Variants in OXNAD1 observed in about 807,000 individuals in gnomAD.
The protein encoded by OXNAD1 is oxidoreductase NAD binding domain containing 1.
Under a neutral mutation model 32.9 loss-of-function variants are expected in OXNAD1, and 34 were observed. The observed-to-expected ratio is 1.03, with a 90% CI of 0.79 to 1.38. The LOEUF (loss-of-function observed/expected upper bound fraction) is 1.38. Among genes scored for constraint, OXNAD1 ranks in the 40% most tolerant of loss-of-function variants. The pLI, the probability that OXNAD1 is intolerant of heterozygous loss-of-function variation, is 0.00. For missense variants in OXNAD1, 407 were observed against 379.4 expected (o/e 1.07, Z -0.60); for synonymous variants, 134 against 135.2 (o/e 0.99, Z 0.06).
downstream of OXNAD1, among the ~76,000 whole-genome samples, chr3:16,307,914 T>C (rs1026683387): frequency 2.0e-5 from 3 of 152,172 alleles, no homozygotes; most frequent in African/African-American, 4.8e-5. Flanking sequence ...CAGTTTGTTC[T>C]GTTTTTTTAA....
chr3:16,318,753 C>G (rs1383472509), intron 9 of OXNAD1, among the ~76,000 whole-genome samples: 6 of 152,168 alleles, frequency 3.9e-5, no homozygotes, highest in Non-Finnish European at 8.8e-5. Flanking sequence ...CCCCAAAAAA[C>G]CCAAATGAGT....
chr3:16,344,729 G>A lies in OXNAD1; in HGVS notation c.*31-4447G>A, dbSNP rs566637171. Among the ~76,000 whole-genome samples, 114 of 152,272 alleles carry A rather than the reference G, an allele frequency of 7.5e-4. 2 individuals carry two copies. The South Asian group carries it at 0.022, about 29-fold the overall frequency. On this transcript the variant is annotated intron_variant, in intron 9 of 9. Coordinates refer to the OXNAD1 transcript ENST00000606098. The surrounding 1 kb of genome is among the most constrained non-coding windows in gnomAD (Gnocchi z 4.4). ...GACCTCCTCCCAATGAAAGCACATC[G>A]TTGCCAAGTGCGGCCTCTCAATCAG...
rs1379527355 is a variant in OXNAD1, at chr3:16,345,852, G to A, written c.*31-3324G>A. ...CGTGCGCGCACGCGCACATGTGCAT[G>A]TGTATGTGTATAATCTCCTACTGGT... On this transcript the variant is annotated intron_variant, in intron 9 of 9. Coordinates refer to the OXNAD1 transcript ENST00000606098. The surrounding 1 kb of genome is among the most constrained non-coding windows in gnomAD (Gnocchi z 5.2). Among the ~76,000 whole-genome samples the A allele has an allele frequency of 2.1e-4, 8 of 38,670 alleles. No homozygotes were observed. Among genetic ancestry groups the A allele is most frequent in the African/African-American group, 1.4e-3 (8 of 5,674 alleles). 25.4% of individuals were successfully genotyped at this position (38,670 alleles called of 152,430 possible).
chr3:16,350,728 T>A (rs2072042172), downstream of OXNAD1, among the ~76,000 whole-genome samples: 2 of 152,192 alleles, frequency 1.3e-5, no homozygotes, highest in African/African-American at 4.8e-5. Context: ...TGTTGATTCC[T>A]GGGCCTTTCA....
chr3:16,265,867 C>A lies in OXNAD1; in HGVS notation c.-159+362C>A. 2.0e-6 allele frequency: 2 copies of A among 985,228 alleles called. No homozygotes were observed. The highest frequency in any genetic ancestry group is 2.4e-6 in the Non-Finnish European group (2 of 829,794). The allele number at this position is 985,228 out of a possible 1,614,324, so 61.0% of individuals were successfully genotyped here. A position where few individuals can be genotyped will look rare whatever the true frequency, so the allele number is the denominator to read the frequency against. ...CAGGAACAAATTACTTATGTGAGTA[C>A]CAGTTTTTTCGTTGTGAAAGAAATG... is the stretch of plus-strand genomic sequence containing the variant. On this transcript the variant is annotated intron_variant, in intron 1 of 8. Coordinates refer to ENST00000285083, the MANE Select transcript of OXNAD1 (RefSeq NM_138381.5). The surrounding 1 kb of genome is among the most constrained non-coding windows in gnomAD (Gnocchi z 4.8).
chr3:16,267,735 T>C (rs942730180), intron 1 of OXNAD1, among the ~76,000 whole-genome samples: 8 of 152,232 alleles, frequency 5.3e-5, no homozygotes, highest in African/African-American at 1.9e-4. Context: ...ACTATCTGTC[T>C]CTGGAACTGT....
At chr3:16,310,991 CAAAAAAA>C (rs1003070321), downstream of OXNAD1, among the ~76,000 whole-genome samples, 253 of 57,556 alleles carry the variant, frequency 4.4e-3, 3 homozygotes, top group African/African-American at 0.022. Context: ...ACTCAGTCTC[CAAAAAAA>C]AAAAAAAAAA....
chr3:16,291,003 A>G (rs941464236), intron 5 of OXNAD1, among the ~76,000 whole-genome samples: 3 of 152,214 alleles, frequency 2.0e-5, no homozygotes, highest in African/African-American at 7.2e-5. Flanking sequence ...GTGTTCCAAT[A>G]CATTTTTCTT....
In OXNAD1 at chr3:16,346,091, A is replaced by G. The variant is rs1401053366; in HGVS notation, c.*31-3085A>G. 2 of 152,078 alleles carry G rather than the reference A, an allele frequency of 1.3e-5. No homozygotes were observed. Among genetic ancestry groups the G allele is most frequent in the African/African-American group, 2.4e-5 (1 of 41,406 alleles). The allele number at this position is 152,078 out of a possible 1,614,324, so 9.4% of individuals were successfully genotyped here. A position where few individuals can be genotyped will look rare whatever the true frequency, so the allele number is the denominator to read the frequency against. Reference sequence around the variant, plus strand: ...CCCTCGTCAGATTGAAAAGGTTCCTATGATTTAGGGTCTTCCAGCACCCCT... The same window carrying G: ...CCCTCGTCAGATTGAAAAGGTTCCTGTGATTTAGGGTCTTCCAGCACCCCT... On this transcript the variant is annotated intron_variant, in intron 9 of 9. Transcript: ENST00000606098. This position sits in a 1 kb window ranked among gnomAD's most constrained non-coding sequence, Gnocchi z 4.4.
rs1264314101 is a variant in OXNAD1, at chr3:16,288,212, T to G, written c.290+1764T>G. Among the ~76,000 whole-genome samples, 1 of 152,170 alleles carries G rather than the reference T, an allele frequency of 6.6e-6. No homozygotes were observed. Among genetic ancestry groups the G allele is most frequent in the Admixed American group, 6.5e-5 (1 of 15,278 alleles). On this transcript the variant is annotated intron_variant, in intron 5 of 8. Transcript: ENST00000285083. The surrounding 1 kb of genome is among the most constrained non-coding windows in gnomAD (Gnocchi z 5.1). ...TCTAGGCTGTCTCAGACCATCAGCT[T>G]GGTAGTAACAGCCATGTGGTACTTT...
exon 10 of OXNAD1, chr3:16,350,163 TTAAC>T (rs1424137213): frequency 1.3e-5 from 2 of 152,242 alleles, no homozygotes; most frequent in African/African-American, 4.8e-5. Context: ...ATTTTCTCGT[TTAAC>T]ATTTCCTGTA....
rs141178280 is a variant in OXNAD1, at chr3:16,287,985, G to A, written c.290+1537G>A. On this transcript the variant is annotated intron_variant, in intron 5 of 8. Transcript: ENST00000285083. The surrounding 1 kb of genome is among the most constrained non-coding windows in gnomAD (Gnocchi z 4.8). ...GGATCACTGGCTGGTAGTGTGTGAC[G>A]CTTTCCCTCCCAGGTGTTGATCAGC... is the stretch of plus-strand genomic sequence containing the variant. 5.7e-3 allele frequency among the ~76,000 whole-genome samples: 866 copies of A among 152,294 alleles called. 7 individuals carry two copies. The highest frequency in any genetic ancestry group is 0.02 in the African/African-American group (817 of 41,562).
rs928879037 is a variant in OXNAD1, at chr3:16,299,050, C to T, written c.433-2576C>T. 2.0e-5 allele frequency among the ~76,000 whole-genome samples: 3 copies of T among 152,128 alleles called. No individual in the cohort carries two copies. Among genetic ancestry groups the T allele is most frequent in the East Asian group, 3.8e-4 (2 of 5,202 alleles). On this transcript the variant is annotated intron_variant, in intron 6 of 8. Transcript: ENST00000285083. The surrounding 1 kb of genome is among the most constrained non-coding windows in gnomAD (Gnocchi z 4.4). The stretch of plus-strand genomic sequence containing the variant: ...GACAGGCTTCTTGAATATTATCTTT[C>T]CCTGGGGCACATTTTCTTGCCAACT...
In OXNAD1 at chr3:16,348,338, C is replaced by A. The variant is rs1456685902; in HGVS notation, c.*31-838C>A. Among the ~76,000 whole-genome samples the A allele has an allele frequency of 1.3e-5, 2 of 151,834 alleles. No individual in the cohort carries two copies. The highest frequency in any genetic ancestry group is 2.9e-5 in the Non-Finnish European group (2 of 67,950). ...TTGAAGGCATCTAGGAGATCATCCA[C>A]ATTATCCAATATGTGTTCTAATTAT... On this transcript the variant is annotated intron_variant, in intron 9 of 9. Transcript: ENST00000606098. This position sits in a 1 kb window ranked among gnomAD's most constrained non-coding sequence, Gnocchi z 6.3.
rs956259051 is a variant in OXNAD1, at chr3:16,312,216, T to C, written c.*30+8624T>C. ...AACCTAGCCAAAGGCTCATTGGGTC[T>C]TGTCCTTAGATCTCATGTCCACACA... is the stretch of plus-strand genomic sequence containing the variant. On this transcript the variant is annotated intron_variant, in intron 9 of 9. Coordinates refer to the OXNAD1 transcript ENST00000435829. This position sits in a 1 kb window ranked among gnomAD's most constrained non-coding sequence, Gnocchi z 4.7. 1.3e-5 allele frequency among the ~76,000 whole-genome samples: 2 copies of C among 152,212 alleles called. No individual in the cohort carries two copies. The highest frequency in any genetic ancestry group is 4.1e-4 in the South Asian group (2 of 4,834).
In OXNAD1 at chr3:16,314,140, A is replaced by AGACTT. The variant is rs1272586540; in HGVS notation, c.*30+10549_*30+10553dup. ...CCCACTGTGACAGCTGCAGCCTCAC[A>AGACTT]GACTTAACTGCCAAGTGCACAAGCT... On this transcript the variant is annotated intron_variant, in intron 9 of 9. Transcript: ENST00000435829. This position sits in a 1 kb window ranked among gnomAD's most constrained non-coding sequence, Gnocchi z 4.4. Among the ~76,000 whole-genome samples the AGACTT allele has an allele frequency of 1.3e-5, 2 of 152,048 alleles. No homozygotes were observed. Among genetic ancestry groups the AGACTT allele is most frequent in the African/African-American group, 4.8e-5 (2 of 41,404 alleles).
chr3:16,302,775 A>C lies in OXNAD1; in HGVS notation c.784+27A>C, dbSNP rs368733591. 2.6e-6 allele frequency: 4 copies of C among 1,527,222 alleles called. No homozygotes were observed. Among genetic ancestry groups the C allele is most frequent in the Non-Finnish European group, 3.6e-6 (4 of 1,105,112 alleles). The allele number at this position is 1,527,222 out of a possible 1,614,324, so 94.6% of individuals were successfully genotyped here. On this transcript the variant is annotated intron_variant, in intron 8 of 8. Coordinates refer to ENST00000285083, the MANE Select transcript of OXNAD1 (RefSeq NM_138381.5). The surrounding 1 kb of genome is among the most constrained non-coding windows in gnomAD (Gnocchi z 4.2). ...TGAGTCCCCTAAAGATATTTTGACT[A>C]TCTCCATGCAGTTATTTGATGGACA...
chr3:16,278,712 G>A (rs1046669525), intron 4 of OXNAD1, among the ~76,000 whole-genome samples: 1 of 152,156 alleles, frequency 6.6e-6, no homozygotes, highest in African/African-American at 2.4e-5. Flanking sequence ...CTGTTTAGAC[G>A]GACAAGGCTT....
rs1450205566 is a variant in OXNAD1 at position 16,345,361 on chromosome 3, A to C, written c.*31-3815A>C. The stretch of plus-strand genomic sequence containing the variant: ...ATCTCAAACACATTGGGAAAACCTA[A>C]AGATATAGCCCCTGTTATCACATTG... On this transcript the variant is annotated intron_variant, in intron 9 of 9. Coordinates refer to the OXNAD1 transcript ENST00000606098. The surrounding 1 kb of genome is among the most constrained non-coding windows in gnomAD (Gnocchi z 5.2). 1 of 151,490 alleles carries C rather than the reference A, an allele frequency of 6.6e-6. No homozygotes were observed. Among genetic ancestry groups the C allele is most frequent in the African/African-American group, 2.4e-5 (1 of 41,064 alleles). 9.4% of individuals were successfully genotyped at this position (151,490 alleles called of 1,614,324 possible). A position where few individuals can be genotyped will look rare whatever the true frequency, so the allele number is the denominator to read the frequency against.
Sources: allele counts gnomAD v4.1 joint callset (sites outside exome capture counted in the v4.1 genomes callset), GRCh38; gene constraint gnomAD v4.1.1; non-coding constraint Gnocchi (gnomAD v3.1); transcripts MANE v1.5; gene names NCBI Gene and HGNC (gene_info 2026-07-23, HGNC 2026-07-21).